The following TEK variants were observed in gnomAD, a reference collection of about 807,000 sequenced individuals.
TEK encodes the protein TEK receptor tyrosine kinase.
A neutral mutation model predicts 131.8 loss-of-function variants in TEK; 43 were observed. The observed-to-expected ratio is 0.33, with a 90% confidence interval of 0.26 to 0.42. TEK has a LOEUF of 0.42. Ranked by LOEUF, TEK falls within the 10% of genes least tolerant of loss-of-function variation. The pLI is 1.00. For synonymous variants in TEK, 580 were observed against 491.6 expected (o/e 1.18, Z -2.38); for missense variants, 1,162 against 1,384.4 (o/e 0.84, Z 2.55).
intron 2 of TEK, among the ~76,000 whole-genome samples, chr9:27,159,427 CAA>C (rs547994258): frequency 5.3e-5 from 8 of 152,238 alleles, no homozygotes; most frequent in South Asian, 2.1e-4. Flanking sequence ...ACTGAAATGA[CAA>C]AGAGTCAGGG....
Position 27,172,549 on chromosome 9 carries a change from G to T in TEK, c.629-67G>T, listed in dbSNP as rs911586065. On this transcript the variant is annotated intron_variant, in intron 4 of 22. Transcript: ENST00000380036. ...CCACTGAATGACTGACACACAGTAG[G>T]TGCTCAATAAAGATGTGTTGAGCGA... The T allele has an allele frequency of 8.8e-6, 14 of 1,598,460 alleles. No individual in the cohort carries two copies. In the African/African-American group the frequency reaches 1.7e-4, roughly 20 times the overall value.
At position 27,185,524 on chromosome 9, in the gene TEK, A is replaced by G; in HGVS notation, c.1222A>G (p.Ile408Val). ...FNHTDHFSVA[I>V]FTIHRILPPD... ...CCATACGGATCATTTCTCAGTAGCC[A>G]TATTCACCATCCACCGGATCCTCCC... The change falls in exon 9 of 23, where the codon ATA (isoleucine) becomes GTA (valine). Residue 408 changes from isoleucine (I) to valine (V), a missense_variant. Around this residue, in one of 6 missense-constraint regions of TEK, gnomAD observed 436 missense variants for 539.1 expected, o/e 0.81. Transcript: ENST00000380036. 1 of 1,613,790 alleles carries G rather than the reference A, an allele frequency of 6.2e-7. No individual in the cohort carries two copies. Among genetic ancestry groups the G allele is most frequent in the Non-Finnish European group, 8.5e-7 (1 of 1,179,782 alleles).
chr9:27,202,853 C>T lies in TEK; in HGVS notation c.1943C>T (p.Ser648Phe), dbSNP rs1204774906. 1 of 1,614,076 alleles carries T rather than the reference C, an allele frequency of 6.2e-7. No homozygotes were observed. Among genetic ancestry groups the T allele is most frequent in the Non-Finnish European group, 8.5e-7 (1 of 1,179,978 alleles). Reference sequence around the variant, plus strand: ...CCTCAACCAGAAAACATCAAGATTTCCAACATTACACACTCCTCAGCTGTG... The same window carrying T: ...CCTCAACCAGAAAACATCAAGATTTTCAACATTACACACTCCTCAGCTGTG... ...LPPQPENIKI[S>F]NITHSSAVIS... The change falls in exon 13 of 23, where the codon TCC (serine) becomes TTC (phenylalanine). Residue 648 changes from serine (S) to phenylalanine (F), a missense_variant. Physicochemically the swap from Ser to Phe is radical, Grantham distance 155. Around this residue, in one of 6 missense-constraint regions of TEK, gnomAD observed 477 missense variants for 471.0 expected, o/e 1.01. Transcript: ENST00000380036.
chr9:27,140,584 G>A lies in TEK; in HGVS notation c.53-17247G>A, dbSNP rs7867709. ...AACCTCGACTCCTATAGAATGTGTT[G>A]CTCCACTGGCTATATATGTAATTAT... On this transcript the variant is annotated intron_variant, in intron 1 of 22. Coordinates refer to ENST00000380036, the MANE Select transcript of TEK (RefSeq NM_000459.5). 4.3e-3 allele frequency among the ~76,000 whole-genome samples: 650 copies of A among 151,798 alleles called. 3 individuals carry two copies. Among genetic ancestry groups the A allele is most frequent in the African/African-American group, 0.015 (614 of 41,434 alleles).
In TEK at chr9:27,109,534, G is replaced by A. The variant is rs1479543348; in HGVS notation, c.-57G>A. ...GTCACAAACCGCTGGGTTTTTGAAA[G>A]GATCCTTGGGACCTCATGCACATTT... On this transcript the variant is annotated 5_prime_UTR_variant, in exon 1 of 23. Transcript: ENST00000380036. The A allele has an allele frequency of 4.4e-6, 7 of 1,592,418 alleles. No homozygotes were observed. Among genetic ancestry groups the A allele is most frequent in the Non-Finnish European group, 6.0e-6 (7 of 1,160,448 alleles).
intron 1 of TEK, among the ~76,000 whole-genome samples, chr9:27,113,072 T>C (rs183427226): frequency 2.7e-4 from 41 of 152,328 alleles, no homozygotes; most frequent in African/African-American, 8.4e-4. Flanking sequence ...CATGAAGCAC[T>C]GAAGACCTGA....
At chr9:27,187,752 T>G (rs1414303518) in intron 9 of TEK, among the ~76,000 whole-genome samples, 2 of 152,120 alleles carry the variant, frequency 1.3e-5, no homozygotes, top group Non-Finnish European at 2.9e-5. Flanking sequence ...CTCCTTGGCT[T>G]GTAGATGGCC....
intron 1 of TEK, among the ~76,000 whole-genome samples, chr9:27,120,720 G>A (rs771903367): frequency 3.0e-4 from 45 of 152,210 alleles, no homozygotes; most frequent in Non-Finnish European, 5.4e-4. Context: ...TACCATAGGT[G>A]AGGAAGTAAG....
chr9:27,155,124 A>G (rs1823283136), intron 1 of TEK, among the ~76,000 whole-genome samples: 1 of 152,130 alleles, frequency 6.6e-6, no homozygotes, highest in African/African-American at 2.4e-5. Context: ...CTTCCTCTTG[A>G]TGACTCTTTC....
chr9:27,219,186 G>GTTTTATCAATATTGCATA (rs1475095086), intron 20 of TEK, among the ~76,000 whole-genome samples: 1 of 152,046 alleles, frequency 6.6e-6, no homozygotes, highest in Non-Finnish European at 1.5e-5. Flanking sequence ...CCTGATCCTA[G>GTTTTATCAATATTGCATA]TTTTATCAAT....
chr9:27,222,676 AC>A (rs1200670247), intron 21 of TEK, among the ~76,000 whole-genome samples: 1 of 152,200 alleles, frequency 6.6e-6, no homozygotes, highest in African/African-American at 2.4e-5. Context: ...ATATTTTGTC[AC>A]CACCAGGCAT....
rs754111503 is a variant in TEK, at chr9:27,180,408, A to C, written c.1030+40A>C. 16 of 1,598,894 alleles carry C rather than the reference A, an allele frequency of 1.0e-5. No individual in the cohort carries two copies. The East Asian group carries it at 3.6e-4, about 36-fold the overall frequency. ...CACTGTAGTCAGGGCCATGTTCAGC[A>C]TGTCTGAACTGAGCTTTGGTAGTGT... On this transcript the variant is annotated intron_variant, in intron 7 of 22. Transcript: ENST00000380036.
At chr9:27,200,407 T>C (rs1346486011) in intron 12 of TEK, among the ~76,000 whole-genome samples, 1 of 152,132 alleles carries the variant, frequency 6.6e-6, no homozygotes, top group Non-Finnish European at 1.5e-5. Flanking sequence ...AAACAAAAAC[T>C]AGTTAATAGT....
intron 9 of TEK, among the ~76,000 whole-genome samples, chr9:27,187,088 G>C (rs1564084650): frequency 2.0e-5 from 3 of 152,188 alleles, no homozygotes; most frequent in Admixed American, 2.0e-4. Flanking sequence ...TTCTGGGAAT[G>C]TTTGCTACCC....
chr9:27,215,224 A>G (rs1825774884), intron 18 of TEK, among the ~76,000 whole-genome samples: 1 of 152,102 alleles, frequency 6.6e-6, no homozygotes, highest in Non-Finnish European at 1.5e-5. Flanking sequence ...ACAGGGGGAG[A>G]GCACCTATCA....
At chr9:27,211,390 T>TC (rs1564101280) in intron 16 of TEK, among the ~76,000 whole-genome samples, 1 of 128,600 alleles carries the variant, frequency 7.8e-6, no homozygotes, top group African/African-American at 3.2e-5. Flanking sequence ...ATATTACTTT[T>TC]CTTTTTTGCT....
intron 1 of TEK, among the ~76,000 whole-genome samples, chr9:27,147,957 C>T (rs1296991903): frequency 6.6e-6 from 1 of 152,184 alleles, no homozygotes; most frequent in African/African-American, 2.4e-5. Flanking sequence ...AGCTGTGTAA[C>T]AATCACCAAG....
At chr9:27,139,860 TTGTC>T (rs1204897103) in intron 1 of TEK, among the ~76,000 whole-genome samples, 1 of 152,116 alleles carries the variant, frequency 6.6e-6, no homozygotes, top group Non-Finnish European at 1.5e-5. Flanking sequence ...GTATACTAGT[TTGTC>T]TGTATTAGTT....
chr9:27,168,726 T>C (rs1823836443), intron 3 of TEK, 121 bp downstream of exon 3: 12 of 779,352 alleles, frequency 1.5e-5, no homozygotes. Context: ...GCTGCTATGA[T>C]GCAAGCTTTC....
Sources: allele counts gnomAD v4.1 joint callset (sites outside exome capture counted in the v4.1 genomes callset), GRCh38; gene constraint gnomAD v4.1.1; regional missense constraint gnomAD v4.1.1; transcripts MANE v1.5; gene names NCBI Gene and HGNC (gene_info 2026-07-23, HGNC 2026-07-21).